The following CACNA1S variants were observed in gnomAD, a reference collection of about 807,000 sequenced individuals.
CACNA1S encodes the protein calcium voltage-gated channel subunit alpha1 S.
A neutral mutation model predicts 207.4 loss-of-function variants in CACNA1S; 126 were observed. The ratio of observed to expected loss-of-function variants is 0.61; its 90% CI spans 0.53 to 0.70. The LOEUF (loss-of-function observed/expected upper bound fraction) is 0.70. Ranked by LOEUF, CACNA1S falls within the 30% of genes least tolerant of loss-of-function variation. CACNA1S has a pLI of 0.00. For missense variants in CACNA1S, 2,349 were observed against 2,422.8 expected, an observed-to-expected ratio of 0.97 and a Z score of 0.64; for synonymous variants, 960 against 932.7, an observed-to-expected ratio of 1.03 and a Z score of -0.53.
At position 201,039,936 on chromosome 1, in the gene CACNA1S, TG is replaced by T. The variant is rs760958977; in HGVS notation, c.5516del (p.Pro1839GlnfsTer11). 1.9e-6 allele frequency: 3 copies of T among 1,614,182 alleles called. No individual in the cohort carries two copies. The Admixed American group carries it at 5.0e-5, about 27-fold the overall frequency. On this transcript the variant is annotated frameshift_variant, in exon 44 of 44. Transcript: ENST00000362061. LOFTEE classifies it low-confidence loss of function (END_TRUNC). ...ATCCCAGGGAGCTGGCCATGCCCTC[TG>T]GGGCCTCTCGTCCTTTCAGTAGCTC... ...ATELLKGREA[P>X]EGMASSLGCL...
At position 201,083,315 on chromosome 1, in the gene CACNA1S, A is replaced by G. The variant is rs1401340041; in HGVS notation, c.1240T>C (p.Trp414Arg). The G allele has an allele frequency of 1.9e-6, 3 of 1,614,084 alleles. No homozygotes were observed. Reference protein sequence around the residue: ...LNKIIQFIRHWRQWNRIFRWK... With the variant: ...LNKIIQFIRHRRQWNRIFRWK... ...CGAAAGATGCGGTTCCACTGCCTCCAATGTCGGCTGAGGGAGGGGACAGAG... is the reference window on the plus strand; with the variant it reads ...CGAAAGATGCGGTTCCACTGCCTCCGATGTCGGCTGAGGGAGGGGACAGAG... The change falls in exon 10 of 44, where the codon TGG (tryptophan) becomes CGG (arginine). Residue 414 changes from tryptophan to arginine, a missense_variant. Transcript: ENST00000362061.
chr1:201,086,243 G>C (rs2102155898), intron 7 of CACNA1S, among the ~76,000 whole-genome samples: 1 of 152,330 alleles, frequency 6.6e-6, no homozygotes, highest in Middle Eastern at 3.4e-3. Flanking sequence ...TCCAGGGAGG[G>C]GCTCTTGACC....
chr1:201,055,754 C>T (rs997828526), intron 28 of CACNA1S, among the ~76,000 whole-genome samples: 6 of 152,134 alleles, frequency 3.9e-5, no homozygotes, highest in African/African-American at 7.2e-5. Context: ...TCAATCTTCA[C>T]GTGACTTTAA....
chr1:201,054,215 A>T (rs1660753652), intron 29 of CACNA1S, among the ~76,000 whole-genome samples: 1 of 152,318 alleles, frequency 6.6e-6, no homozygotes, highest in African/African-American at 2.4e-5. Flanking sequence ...GTCCTTTGCC[A>T]GCGATCACAG....
intron 10 of CACNA1S, among the ~76,000 whole-genome samples, chr1:201,082,961 C>T (rs1661890476): frequency 6.6e-6 from 1 of 152,150 alleles, no homozygotes; most frequent in African/African-American, 2.4e-5. Flanking sequence ...TGTTGCTTTG[C>T]CACTTGAGGT....
At chr1:201,100,157 G>T (rs1572069240) in intron 2 of CACNA1S, among the ~76,000 whole-genome samples, 1 of 152,386 alleles carries the variant, frequency 6.6e-6, no homozygotes, top group South Asian at 2.1e-4. Context: ...TCCATGGAAA[G>T]TTGGTTCACA....
chr1:201,095,761 G>A (rs1267659704), intron 2 of CACNA1S, among the ~76,000 whole-genome samples: 2 of 152,180 alleles, frequency 1.3e-5, no homozygotes, highest in Admixed American at 6.5e-5. Flanking sequence ...ACTGTGCTTG[G>A]CACTCTTGGG....
At chr1:201,079,053 G>A (rs1278278431) in intron 10 of CACNA1S, among the ~76,000 whole-genome samples, 23 of 151,038 alleles carry the variant, frequency 1.5e-4, no homozygotes, top group African/African-American at 3.2e-4. Flanking sequence ...CCTGGGAGGC[G>A]GAGGTTGCAG....
At chr1:201,087,671 C>T (rs1055762010) in intron 7 of CACNA1S, among the ~76,000 whole-genome samples, 155 bp downstream of exon 7, 1 of 152,110 alleles carries the variant, frequency 6.6e-6, no homozygotes, top group Non-Finnish European at 1.5e-5. Flanking sequence ...GCCCCCTGCC[C>T]TGCTCCACTC....
intron 1 of CACNA1S, among the ~76,000 whole-genome samples, chr1:201,110,894 G>A (rs1663074743): frequency 6.6e-6 from 1 of 152,160 alleles, no homozygotes; most frequent in African/African-American, 2.4e-5. Flanking sequence ...CGACTTTCTG[G>A]CCCATTAGGC....
rs556751671 is a variant in CACNA1S at position 201,112,247 on chromosome 1, C to T, written c.93G>A (p.Leu31=). ...PEILPRPPRA[L]FCLTLENPLR... is the part of the protein sequence containing the mutation. ...GGGGGTTCTCCAGGGTCAGGCAGAA[C>T]AAGGCCCGGGGTGGCCTTGGCAGAA... is the stretch of plus-strand genomic sequence containing the variant. Residue 31 remains leucine, a synonymous_variant, in exon 1 of 44, where the codon TTG becomes TTA. Coordinates refer to ENST00000362061, the MANE Select transcript of CACNA1S (RefSeq NM_000069.3). 2 of 1,613,930 alleles carry T rather than the reference C, an allele frequency of 1.2e-6. No homozygotes were observed. The highest frequency in any genetic ancestry group is 3.3e-5 in the Admixed American group (2 of 60,000).
At position 201,091,634 on chromosome 1, in the gene CACNA1S, G is replaced by A. The variant is rs961285997; in HGVS notation, c.694+6C>T. 5 of 1,614,132 alleles carry A rather than the reference G, an allele frequency of 3.1e-6. No homozygotes were observed. The highest frequency in any genetic ancestry group is 2.2e-5 in the South Asian group (2 of 91,072). ...CCCCACAGCCCCACTTTCCCTGGGAGCTCACCTGTACCAATGAAGTAGCAG... is the reference window on the plus strand; with the variant it reads ...CCCCACAGCCCCACTTTCCCTGGGAACTCACCTGTACCAATGAAGTAGCAG... On this transcript the variant is annotated splice_donor_region_variant and intron_variant, in intron 5 of 43. Coordinates refer to ENST00000362061, the MANE Select transcript of CACNA1S (RefSeq NM_000069.3).
chr1:201,090,688 A>G (rs116136034), intron 5 of CACNA1S, among the ~76,000 whole-genome samples: 1,873 of 152,260 alleles, frequency 0.012, 33 homozygotes, highest in African/African-American at 0.043. Flanking sequence ...TGATTTTCAC[A>G]ATACTGCTGA....
chr1:201,069,434 C>A, intron 18 of CACNA1S, 38 bp downstream of exon 18: 1 of 1,604,964 alleles, frequency 6.2e-7, no homozygotes, highest in Non-Finnish European at 8.5e-7. Flanking sequence ...CTGGAGGGGG[C>A]AGGGGTGCTG....
intron 10 of CACNA1S, among the ~76,000 whole-genome samples, chr1:201,082,855 A>C (rs1229360365): frequency 6.6e-6 from 1 of 152,218 alleles, no homozygotes; most frequent in Non-Finnish European, 1.5e-5. Flanking sequence ...CTGTGATTGG[A>C]ATAATCTGCC....
chr1:201,076,528 G>A (rs545022723), intron 12 of CACNA1S, among the ~76,000 whole-genome samples: 133 of 152,356 alleles, frequency 8.7e-4, no homozygotes, highest in African/African-American at 3.0e-3. Flanking sequence ...AATGGTTTGC[G>A]TTTCTCTGGG....
chr1:201,040,005 A>T lies in CACNA1S; in HGVS notation c.5448T>A (p.Asp1816Glu). 2 of 1,614,236 alleles carry T rather than the reference A, an allele frequency of 1.2e-6. No homozygotes were observed. Among genetic ancestry groups the T allele is most frequent in the Non-Finnish European group, 1.7e-6 (2 of 1,180,032 alleles). The change falls in exon 44 of 44, where the codon GAT becomes GAA. Residue 1816 changes from aspartate to glutamate, a missense_variant. Coordinates refer to ENST00000362061, the MANE Select transcript of CACNA1S (RefSeq NM_000069.3). The stretch of plus-strand genomic sequence containing the variant: ...CTTCCTCTGGTTCCATTTGGCAGGC[A>T]TCTGCCAGGGCCTGGCCTGTTGCCA... ...FIMATGQALA[D>E]ACQMEPEEVE...
intron 1 of CACNA1S, among the ~76,000 whole-genome samples, chr1:201,111,606 C>T (rs541184913): frequency 1.3e-5 from 2 of 152,234 alleles, no homozygotes; most frequent in African/African-American, 2.4e-5. Flanking sequence ...TCAGCTGGGA[C>T]CTGCCCCCAG....
At chr1:201,043,093 C>T in intron 40 of CACNA1S, 188 bp downstream of exon 40, 6 of 667,464 alleles carry the variant, frequency 9.0e-6, no homozygotes, top group Non-Finnish European at 1.6e-5. Flanking sequence ...AGGCTTCCCC[C>T]TGCTGGCCAA....
Sources: gnomAD v4.1 joint callset for allele counts (sites outside exome capture counted in the v4.1 genomes callset) on GRCh38, gnomAD v4.1.1 for gene constraint, MANE v1.5 for transcripts, NCBI Gene and HGNC (gene_info 2026-07-23, HGNC 2026-07-21) for gene names.